Variants in PHF14 observed in about 807,000 individuals in gnomAD.
The protein encoded by PHF14 is PHD finger protein 14.
In PHF14, 55 loss-of-function variants were observed where a neutral mutation model predicts 117.9. That is an observed-to-expected ratio of 0.47 (90% CI 0.38 to 0.58). The LOEUF is 0.58. Ranked by LOEUF, PHF14 falls within the 20% of genes least tolerant of loss-of-function variation. The pLI, the probability that PHF14 is intolerant of heterozygous loss-of-function variation, is 0.00. For synonymous variants in PHF14, 409 were observed against 368.6 expected, an observed-to-expected ratio of 1.11 and a Z score of -1.26; for missense variants, 978 against 1,122.2, an observed-to-expected ratio of 0.87 and a Z score of 1.84.
intron 6 of PHF14, among the ~76,000 whole-genome samples, chr7:11,025,269 G>C (rs1399019362): frequency 1.3e-5 from 2 of 152,104 alleles, no homozygotes; most frequent in African/African-American, 2.4e-5. Context: ...TTCTCGAGTT[G>C]GAATCTACTC....
intron 17 of PHF14, among the ~76,000 whole-genome samples, chr7:11,158,294 A>G (rs1788924210): frequency 6.6e-6 from 1 of 151,852 alleles, no homozygotes; most frequent in Non-Finnish European, 1.5e-5. Flanking sequence ...AGTACTCTTC[A>G]GTTATTTTGT....
intron 4 of PHF14, among the ~76,000 whole-genome samples, chr7:11,000,745 T>C (rs1356927162): frequency 2.0e-5 from 3 of 152,202 alleles, no homozygotes; most frequent in African/African-American, 7.2e-5. Context: ...GAGTTCCTTG[T>C]ATATTTTGGA....
intron 17 of PHF14, among the ~76,000 whole-genome samples, chr7:11,164,788 G>A (rs1789151957): frequency 6.6e-6 from 1 of 152,184 alleles, no homozygotes; most frequent in Admixed American, 6.5e-5. Context: ...ACTACTCTAA[G>A]AACCATTTTT....
intron 10 of PHF14, 87 bp from the exon 11 acceptor site, chr7:11,038,672 TA>T: frequency 3.0e-6 from 1 of 337,182 alleles, no homozygotes; most frequent in Non-Finnish European, 5.1e-6. Flanking sequence ...AAAAAAAAAT[TA>T]TATATATATA....
intron 17 of PHF14, among the ~76,000 whole-genome samples, chr7:11,156,710 G>T (rs1490104533): frequency 6.6e-6 from 1 of 152,066 alleles, no homozygotes; most frequent in Non-Finnish European, 1.5e-5. Context: ...CAGGAGAATC[G>T]CTGAATCCAG....
At chr7:10,975,978 C>G (rs1389235358) in intron 2 of PHF14, among the ~76,000 whole-genome samples, 1 of 152,166 alleles carries the variant, frequency 6.6e-6, no homozygotes, top group Non-Finnish European at 1.5e-5. Flanking sequence ...TTACTGATAA[C>G]TTTTTGTTTG....
intron 17 of PHF14, among the ~76,000 whole-genome samples, chr7:11,127,197 C>A (rs976334409): frequency 6.6e-6 from 1 of 151,444 alleles, no homozygotes; most frequent in African/African-American, 2.4e-5. Context: ...AACTGGGAAA[C>A]CTGTAGTTTG....
intron 4 of PHF14, among the ~76,000 whole-genome samples, chr7:11,011,931 T>A (rs142585582): frequency 6.6e-6 from 1 of 152,344 alleles, no homozygotes; most frequent in African/African-American, 2.4e-5. Context: ...CTCTCAGAAC[T>A]TTTCAATTTC....
At chr7:11,140,191 C>G (rs1788357843) in intron 17 of PHF14, among the ~76,000 whole-genome samples, 1 of 152,108 alleles carries the variant, frequency 6.6e-6, no homozygotes, top group Admixed American at 6.6e-5. Context: ...TCTACACATA[C>G]CCATACACAC....
intron 4 of PHF14, among the ~76,000 whole-genome samples, chr7:10,999,733 T>G (rs1782793944): frequency 6.6e-6 from 1 of 152,206 alleles, no homozygotes; most frequent in Non-Finnish European, 1.5e-5. Context: ...CTTTCCAAAG[T>G]AGCTTTGATT....
At chr7:11,006,957 C>A in intron 4 of PHF14, 1 of 427,794 alleles carries the variant, frequency 2.3e-6, no homozygotes. Context: ...TGTGGATCAC[C>A]TGAAGTCAGG....
intron 17 of PHF14, among the ~76,000 whole-genome samples, chr7:11,128,915 T>C (rs1207589106): frequency 2.6e-5 from 4 of 152,058 alleles, no homozygotes; most frequent in East Asian, 1.9e-4. Flanking sequence ...TCAATTTCTT[T>C]TGCACTTTTT....
At chr7:11,055,176 C>G (rs187740956) in intron 14 of PHF14, among the ~76,000 whole-genome samples, 2 of 152,260 alleles carry the variant, frequency 1.3e-5, no homozygotes, top group African/African-American at 4.8e-5. Context: ...GAAACTTTTA[C>G]TTACTTTTAG....
Position 11,056,274 on chromosome 7 carries a change from T to C in PHF14, c.2481+4494T>C, listed in dbSNP as rs189965546. Among the ~76,000 whole-genome samples, 431 of 152,278 alleles carry C rather than the reference T, an allele frequency of 2.8e-3. 3 individuals carry two copies. The highest frequency in any genetic ancestry group is 0.01 in the African/African-American group (417 of 41,564). ...TATTCCCAGGAGTATGAAATAAAGATAAGAATAGGTGGAGCTTTCAAGACT... is the reference window on the plus strand; with the variant it reads ...TATTCCCAGGAGTATGAAATAAAGACAAGAATAGGTGGAGCTTTCAAGACT... On this transcript the variant is annotated intron_variant, in intron 14 of 17. Coordinates refer to ENST00000634607, the MANE Select transcript of PHF14 (RefSeq NM_001007157.2).
chr7:11,005,531 C>A (rs1435836627), intron 4 of PHF14, among the ~76,000 whole-genome samples: 2 of 152,312 alleles, frequency 1.3e-5, no homozygotes, highest in South Asian at 2.1e-4. Context: ...CTGTCTCTAC[C>A]TCTAAATAAA....
intron 16 of PHF14, among the ~76,000 whole-genome samples, chr7:11,071,967 AT>A (rs975925942): frequency 6.6e-6 from 1 of 152,212 alleles, no homozygotes; most frequent in African/African-American, 2.4e-5. Context: ...AGTGTCTATT[AT>A]TTTGAGAGGC....
At chr7:11,123,173 T>C (rs1356847233) in intron 17 of PHF14, among the ~76,000 whole-genome samples, 1 of 152,084 alleles carries the variant, frequency 6.6e-6, no homozygotes, top group East Asian at 1.9e-4. Flanking sequence ...CCACACCCAT[T>C]TTGCAACAGG....
intron 16 of PHF14, chr7:11,062,625 C>G (rs1785267142): frequency 1.1e-6 from 1 of 897,570 alleles, no homozygotes; most frequent in East Asian, 1.2e-4. Flanking sequence ...TTTGTTTTGT[C>G]TTTGTTTCTT....
intron 5 of PHF14, among the ~76,000 whole-genome samples, chr7:11,021,550 A>T (rs138100847): frequency 0.02 from 2,989 of 152,272 alleles, 40 homozygotes; most frequent in Middle Eastern, 0.044. Flanking sequence ...TGTGTACTAC[A>T]TTTTAAGAAG....
Sources: gnomAD v4.1 joint callset for allele counts (sites outside exome capture counted in the v4.1 genomes callset) on GRCh38, gnomAD v4.1.1 for gene constraint, MANE v1.5 for transcripts, NCBI Gene and HGNC (gene_info 2026-07-23, HGNC 2026-07-21) for gene names.